ZFP2: variants seen among roughly 807,000 people sequenced by gnomAD.
ZFP2 encodes zinc finger protein ZFP2.
Under a neutral mutation model 36.1 loss-of-function variants are expected in ZFP2, and 33 were observed. The observed-to-expected ratio is 0.92, with a 90% CI of 0.69 to 1.22. The LOEUF (loss-of-function observed/expected upper bound fraction) is 1.22. Among genes scored for constraint, ZFP2 ranks in the 50% most tolerant of loss-of-function variants. The pLI, the probability that ZFP2 is intolerant of heterozygous loss-of-function variation, is 0.00. For synonymous variants in ZFP2, 170 were observed against 178.0 expected (o/e 0.96, Z 0.36); for missense variants, 522 against 551.4 (o/e 0.95, Z 0.53).
chr5:178,924,629 C>T (rs1758629404), intron 4 of ZFP2, among the ~76,000 whole-genome samples: 1 of 148,574 alleles, frequency 6.7e-6, no homozygotes, highest in African/African-American at 2.4e-5. Flanking sequence ...CACCTGAGGT[C>T]AGGAGTTCAA....
rs1758877161 is a variant in ZFP2 at position 178,932,784 on chromosome 5, T to C, written c.*85T>C. 6.8e-7 allele frequency: 1 copy of C among 1,461,634 alleles called. No homozygotes were observed. Among genetic ancestry groups the C allele is most frequent in the African/African-American group, 1.4e-5 (1 of 70,796 alleles). 90.5% of individuals were successfully genotyped at this position (1,461,634 alleles called of 1,614,324 possible). The stretch of plus-strand genomic sequence containing the variant: ...ATACAATGTAGAAACCTAATAAATG[T>C]AATGATTGTGGGAATCTTTCAGTTG... On this transcript the variant is annotated 3_prime_UTR_variant, in exon 5 of 5. Transcript: ENST00000361362.
Position 178,909,038 on chromosome 5 carries a change from T to C in ZFP2, c.-449-3546T>C, listed in dbSNP as rs535091906. On this transcript the variant is annotated intron_variant, in intron 1 of 4. Transcript: ENST00000361362. ...CCAGGGCGTAAAACCCCTCGTGGCC[T>C]GGATGGAATCCAGGGCTCAGGGCGT... Among the ~76,000 whole-genome samples the C allele has an allele frequency of 2.0e-5, 3 of 151,018 alleles. No homozygotes were observed. In the South Asian group the frequency reaches 6.3e-4, roughly 32 times the overall value.
chr5:178,926,924 T>C (rs1758686850), intron 4 of ZFP2, among the ~76,000 whole-genome samples: 1 of 152,184 alleles, frequency 6.6e-6, no homozygotes, highest in African/African-American at 2.4e-5. Flanking sequence ...TTTTCTCTCT[T>C]TTCACTTAAG....
At chr5:178,921,367 C>CAACATTTTTCTTTCTTCT (rs1554106974) in intron 4 of ZFP2, among the ~76,000 whole-genome samples, 5 of 150,660 alleles carry the variant, frequency 3.3e-5, no homozygotes, top group Non-Finnish European at 6.0e-5. Flanking sequence ...GTGACCATCC[C>CAACATTTTTCTTTCTTCT]TATGTAGAGC....
intron 1 of ZFP2, among the ~76,000 whole-genome samples, chr5:178,907,655 G>C (rs1442121701): frequency 2.0e-5 from 3 of 148,140 alleles, no homozygotes; most frequent in Non-Finnish European, 4.5e-5. Context: ...TTCAAGCAGA[G>C]CTGCATACCA....
rs151147770 is a variant in ZFP2, at chr5:178,931,323, G to A, written c.10G>A (p.Glu4Lys). 2.3e-5 allele frequency: 37 copies of A among 1,595,618 alleles called. No homozygotes were observed. The African/African-American group carries it at 4.7e-4, about 20-fold the overall frequency. The change falls in exon 5 of 5, where the codon GAA becomes AAA. Residue 4 changes from glutamate (E) to lysine (K), a missense_variant. By Grantham distance (56) the Glu-to-Lys change is moderately conservative (BLOSUM62 1). Coordinates refer to ENST00000361362, the MANE Select transcript of ZFP2 (RefSeq NM_030613.4). Reference protein sequence around the residue: MEREGIWHSTLGET... With the variant: MERKGIWHSTLGET... ...ATGCCATGGGGTAACAATGGAAAGG[G>A]AAGGTATCTGGCATTCTACTCTAGG...
chr5:178,909,126 T>A (rs1423764507), intron 1 of ZFP2, among the ~76,000 whole-genome samples: 3 of 122,972 alleles, frequency 2.4e-5, no homozygotes, highest in East Asian at 5.3e-4. Flanking sequence ...GTGGCCTGGA[T>A]GGAATCCAGG....
Position 178,912,595 on chromosome 5 carries a change from A to G in ZFP2, c.-438A>G. 1.0e-6 allele frequency: 1 copy of G among 995,636 alleles called. No homozygotes were observed. The allele number at this position is 995,636 out of a possible 1,614,324, so 61.7% of individuals were successfully genotyped here. On this transcript the variant is annotated 5_prime_UTR_variant, in exon 2 of 5. Coordinates refer to ENST00000361362, the MANE Select transcript of ZFP2 (RefSeq NM_030613.4). ...TGAGGAATTTTTAGTTTCAGGAGTC[A>G]GTGACCTTCAAGGATGTGTCCATAG...
At chr5:178,922,521 A>C in intron 4 of ZFP2, 1 of 1,386,898 alleles carries the variant, frequency 7.2e-7, no homozygotes, top group East Asian at 2.3e-5. Context: ...ATATGGGAGA[A>C]TAGTCTCCAG....
intron 1 of ZFP2, among the ~76,000 whole-genome samples, chr5:178,908,396 G>A (rs111659060): frequency 0.2 from 29,744 of 150,868 alleles, 3,105 homozygotes; most frequent in Non-Finnish European, 0.24. Context: ...GTAGTGAGCC[G>A]AGATTGCGCC....
intron 1 of ZFP2, among the ~76,000 whole-genome samples, chr5:178,909,019 C>T (rs555694254): frequency 8.0e-5 from 12 of 149,756 alleles, no homozygotes; most frequent in South Asian, 2.1e-4. Context: ...AAGCCCAGGG[C>T]GTAAAACCCC....
At chr5:178,896,028 C>A (rs1000199107) in intron 1 of ZFP2, 54 bp downstream of exon 1, 5 of 152,334 alleles carry the variant, frequency 3.3e-5, no homozygotes, top group African/African-American at 1.2e-4. Flanking sequence ...CTTGTAGGCC[C>A]CCGCAGGAGG....
chr5:178,924,381 A>G (rs1581840853), intron 4 of ZFP2, among the ~76,000 whole-genome samples: 3 of 147,762 alleles, frequency 2.0e-5, no homozygotes, highest in African/African-American at 7.3e-5. Context: ...TCAAAAAAAA[A>G]AAAAAAAGAA....
At chr5:178,912,395 C>A (rs1292343139) in intron 1 of ZFP2, among the ~76,000 whole-genome samples, 189 bp from the exon 2 acceptor site, 3 of 152,124 alleles carry the variant, frequency 2.0e-5, no homozygotes, top group Admixed American at 1.3e-4. Context: ...ACCTACTCTT[C>A]CTGTCCTTAC....
intron 4 of ZFP2, among the ~76,000 whole-genome samples, chr5:178,920,321 CAATA>C (rs1758530937): frequency 6.6e-6 from 1 of 152,064 alleles, no homozygotes; most frequent in African/African-American, 2.4e-5. Flanking sequence ...TTTTCTATAT[CAATA>C]AATAAGTGTT....
intron 1 of ZFP2, among the ~76,000 whole-genome samples, chr5:178,908,675 T>C (rs1256443896): frequency 6.9e-6 from 1 of 144,820 alleles, no homozygotes; most frequent in Non-Finnish European, 1.5e-5. Context: ...TTATTCTATC[T>C]GAAGGCTACA....
At position 178,921,966 on chromosome 5, in the gene ZFP2, A is replaced by G. The variant is rs1243523260; in HGVS notation, c.-78+5256A>G. Reference sequence around the variant, plus strand: ...CTTTGTCTAACTTCTTAAGGTGGAAACATAGGTCACAGATTATGGGCCATT... The same window carrying G: ...CTTTGTCTAACTTCTTAAGGTGGAAGCATAGGTCACAGATTATGGGCCATT... On this transcript the variant is annotated intron_variant, in intron 4 of 4. Coordinates refer to ENST00000361362, the MANE Select transcript of ZFP2 (RefSeq NM_030613.4). 5.9e-5 allele frequency: 33 copies of G among 563,202 alleles called. 5 individuals are homozygous for G. Among genetic ancestry groups the G allele is most frequent in the Non-Finnish European group, 9.9e-5 (30 of 304,456 alleles). 34.9% of individuals were successfully genotyped at this position (563,202 alleles called of 1,614,324 possible).
intron 4 of ZFP2, among the ~76,000 whole-genome samples, chr5:178,930,962 C>T (rs186878797): frequency 1.5e-3 from 223 of 152,256 alleles, no homozygotes; most frequent in African/African-American, 5.2e-3. Flanking sequence ...CTTCACTGTC[C>T]ATCCCTCCTG....
At chr5:178,918,943 A>G (rs1758493541) in intron 4 of ZFP2, among the ~76,000 whole-genome samples, 1 of 152,308 alleles carries the variant, frequency 6.6e-6, no homozygotes, top group East Asian at 1.9e-4. Flanking sequence ...TACTCCATCA[A>G]TTCTGAGTAA....
Sources: gnomAD v4.1 joint callset for allele counts (sites outside exome capture counted in the v4.1 genomes callset) on GRCh38, gnomAD v4.1.1 for gene constraint, MANE v1.5 for transcripts, NCBI Gene and HGNC (gene_info 2026-07-23, HGNC 2026-07-21) for gene names.